The following RXRG variants were observed in gnomAD, a reference collection of about 807,000 sequenced individuals.
RXRG encodes retinoid X receptor gamma, also known as retinoic acid receptor RXR-gamma.
In RXRG, 19 loss-of-function variants were observed where a neutral mutation model predicts 49.2. That is an observed-to-expected ratio of 0.39 (90% CI 0.27 to 0.57). The LOEUF (loss-of-function observed/expected upper bound fraction) is 0.57. RXRG is among the 20% of genes least tolerant of loss of function. The pLI is 0.64. For missense variants in RXRG, 452 were observed against 592.5 expected (o/e 0.76, Z 2.46); for synonymous variants, 224 against 216.6 (o/e 1.03, Z -0.30).
At chr1:165,433,292 T>G (rs1006116584) in intron 1 of RXRG, among the ~76,000 whole-genome samples, 4 of 152,118 alleles carry the variant, frequency 2.6e-5, no homozygotes, top group African/African-American at 9.7e-5. Context: ...ATTTATAAAT[T>G]ACCTAGTCTG....
chr1:165,408,878 C>T (rs769927023), intron 7 of RXRG, among the ~76,000 whole-genome samples: 2 of 152,180 alleles, frequency 1.3e-5, no homozygotes, highest in Admixed American at 6.5e-5. Context: ...AAAGGGACAA[C>T]GGGGCCCTGG....
At chr1:165,426,890 C>G (rs1382407483) in intron 2 of RXRG, among the ~76,000 whole-genome samples, 1 of 152,104 alleles carries the variant, frequency 6.6e-6, no homozygotes, top group Admixed American at 6.5e-5. Flanking sequence ...GCTTGAGACC[C>G]AGGAAGAGCA....
intron 6 of RXRG, among the ~76,000 whole-genome samples, chr1:165,410,087 T>G (rs1248392661): frequency 2.0e-5 from 3 of 152,214 alleles, no homozygotes; most frequent in Non-Finnish European, 4.4e-5. Flanking sequence ...TTTTGTTTCT[T>G]TGGCATTGTC....
At chr1:165,412,495 T>TTC (rs1657986984) in intron 4 of RXRG, among the ~76,000 whole-genome samples, 1 of 152,218 alleles carries the variant, frequency 6.6e-6, no homozygotes. Context: ...ACTCTACCCC[T>TTC]TCCTTGCTAA....
In RXRG at chr1:165,429,040, C is replaced by T. The variant is rs1289911646; in HGVS notation, c.50-74G>A. On this transcript the variant is annotated intron_variant, in intron 1 of 9. Coordinates refer to ENST00000359842, the MANE Select transcript of RXRG (RefSeq NM_006917.5). The stretch of plus-strand genomic sequence containing the variant: ...GGGCCCTGGGGGACAGAGGCCTAGC[C>T]CCACCTTTCTTTCCTGTATCCTGCC... 4.0e-6 allele frequency: 6 copies of T among 1,501,072 alleles called. No individual in the cohort carries two copies. The South Asian group carries it at 5.1e-5, about 13-fold the overall frequency. The allele number at this position is 1,501,072 out of a possible 1,614,324, so 93.0% of individuals were successfully genotyped here. A position where few individuals can be genotyped will look rare whatever the true frequency, so the allele number is the denominator to read the frequency against.
In RXRG at chr1:165,409,654, C is replaced by A; in HGVS notation, c.950G>T (p.Arg317Leu). 6.4e-7 allele frequency: 1 copy of A among 1,556,770 alleles called. No individual in the cohort carries two copies. Among genetic ancestry groups the A allele is most frequent in the Non-Finnish European group, 8.7e-7 (1 of 1,151,646 alleles). Residue 317 changes from arginine to leucine, a missense_variant, in exon 7 of 10, where the codon CGC becomes CTC. This residue lies in a region of RXRG where 286 missense variants were observed against 440.9 expected (regional missense o/e 0.65). Transcript: ENST00000359842. ...NELLIASFSH[R>L]SVSVQDGILL... ...GATGCCATCCTGCACGGAAACTGAG[C>A]GGTGGGAGAAAGAGGCAATCAGCAA... is the stretch of plus-strand genomic sequence containing the variant.
rs1429286633 is a variant in RXRG at position 165,420,142 on chromosome 1, A to G, written c.298-128T>C. ...AAGAAACAGTTTCCAAGTACAGAGT[A>G]TTTGAAACTGCCTATCTGTGAGATG... On this transcript the variant is annotated intron_variant, in intron 2 of 9. Transcript: ENST00000359842. The G allele has an allele frequency of 2.1e-5, 14 of 663,850 alleles. No homozygotes were observed. In the South Asian group the frequency reaches 5.4e-4, roughly 25 times the overall value. The allele number at this position is 663,850 out of a possible 1,614,324, so 41.1% of individuals were successfully genotyped here. A position where few individuals can be genotyped will look rare whatever the true frequency, so the allele number is the denominator to read the frequency against.
At chr1:165,417,329 G>T in intron 3 of RXRG, 109 bp from the exon 4 acceptor site, 2 of 1,050,550 alleles carry the variant, frequency 1.9e-6, no homozygotes, top group South Asian at 3.4e-5. Context: ...TATCACTTGG[G>T]CATTGGGACA....
intron 8 of RXRG, among the ~76,000 whole-genome samples, chr1:165,407,969 G>A (rs767298289): frequency 1.6e-4 from 24 of 151,846 alleles, no homozygotes; most frequent in African/African-American, 2.4e-4. Flanking sequence ...GAATGTGATC[G>A]CTTTTTACCA....
In RXRG at chr1:165,411,022, T is replaced by C. The variant is rs752956416; in HGVS notation, c.710A>G (p.Glu237Gly). Reference sequence around the variant, plus strand: ...AGCAAGTTCAGCTTCTAGAATCCTCTCCACAGGCATGTCTTCATGACCACT... The same window carrying C: ...AGCAAGTTCAGCTTCTAGAATCCTCCCCACAGGCATGTCTTCATGACCACT... The part of the protein sequence containing the change: ...ATSGHEDMPV[E>G]RILEAELAVE... The change falls in exon 5 of 10, where the codon GAG becomes GGG. Residue 237 changes from glutamate to glycine, a missense_variant. Physicochemically the swap from Glu to Gly is moderately conservative, Grantham distance 98 (BLOSUM62 -2). This residue lies in a region of RXRG where 286 missense variants were observed against 440.9 expected (regional missense o/e 0.65). Transcript: ENST00000359842. The C allele has an allele frequency of 3.7e-6, 6 of 1,614,142 alleles. No homozygotes were observed. In the Admixed American group the frequency reaches 1.0e-4, roughly 27 times the overall value.
At chr1:165,436,846 G>T in intron 1 of RXRG, 1 of 925,580 alleles carries the variant, frequency 1.1e-6, no homozygotes, top group Non-Finnish European at 1.3e-6. Flanking sequence ...AGAAGTGGGG[G>T]ACAGCAAGAG....
Position 165,417,181 on chromosome 1 carries a change from C to T in RXRG, c.482G>A (p.Gly161Glu). 6.2e-7 allele frequency: 1 copy of T among 1,614,024 alleles called. No homozygotes were observed. The highest frequency in any genetic ancestry group is 1.1e-5 in the South Asian group (1 of 91,042). The change falls in exon 4 of 10, where the codon GGG (glycine) becomes GAG (glutamate). Residue 161 changes from glycine to glutamate, a missense_variant. Physicochemically the swap from Gly to Glu is moderately conservative, Grantham distance 98 (BLOSUM62 -2). Around this residue, in one of 2 missense-constraint regions of RXRG, gnomAD observed 286 missense variants for 440.9 expected, o/e 0.65. Coordinates refer to ENST00000359842, the MANE Select transcript of RXRG (RefSeq NM_006917.5). ...YGVYSCEGCK[G>E]FFKRTIRKDL... The stretch of plus-strand genomic sequence containing the variant: ...CTTCCTTATCGTCCTCTTGAAGAAC[C>T]CTTTGCAGCCTTCACAACTGTATAC...
chr1:165,414,166 A>G (rs157863), intron 4 of RXRG, among the ~76,000 whole-genome samples: 22,603 of 152,212 alleles, frequency 0.15, 1,741 homozygotes, highest in South Asian at 0.23. Flanking sequence ...TTGTCAGGGT[A>G]AATGGTGCCA....
chr1:165,410,866 C>T (rs192094988), intron 5 of RXRG, 35 bp from the exon 6 acceptor site: 159 of 1,613,892 alleles, frequency 9.9e-5, no homozygotes, highest in Admixed American at 7.3e-4. Context: ...AGGCACAGGT[C>T]CCAGGACTCA....
Position 165,426,122 on chromosome 1 carries a change from T to C in RXRG, c.297+2597A>G, listed in dbSNP as rs578016918. Among the ~76,000 whole-genome samples the C allele has an allele frequency of 2.1e-4, 32 of 152,290 alleles. No homozygotes were observed. In the South Asian group the frequency reaches 5.8e-3, roughly 28 times the overall value. ...TTTGGACAGAATGAGTGATCCTCAT[T>C]TGAGCAAGAGTGGGGCAGTTAGGAT... On this transcript the variant is annotated intron_variant, in intron 2 of 9. Coordinates refer to ENST00000359842, the MANE Select transcript of RXRG (RefSeq NM_006917.5).
intron 2 of RXRG, among the ~76,000 whole-genome samples, chr1:165,423,017 G>A (rs1195692812): frequency 6.6e-6 from 1 of 152,170 alleles, no homozygotes; most frequent in African/African-American, 2.4e-5. Context: ...TTGCTTTGGG[G>A]CACTTTCTCC....
At chr1:165,432,861 C>T (rs1658712308) in intron 1 of RXRG, among the ~76,000 whole-genome samples, 1 of 152,190 alleles carries the variant, frequency 6.6e-6, no homozygotes, top group African/African-American at 2.4e-5. Flanking sequence ...AATCTTAAGT[C>T]AAGGTTTTCC....
intron 2 of RXRG, among the ~76,000 whole-genome samples, chr1:165,420,335 A>G (rs575218421): frequency 9.2e-5 from 14 of 152,348 alleles, no homozygotes; most frequent in African/African-American, 2.9e-4. Context: ...CACACCCAGG[A>G]CAATGTCAAC....
chr1:165,420,441 G>A (rs890765055), intron 2 of RXRG, among the ~76,000 whole-genome samples: 1 of 152,116 alleles, frequency 6.6e-6, no homozygotes, highest in Non-Finnish European at 1.5e-5. Flanking sequence ...CACTCTAAGA[G>A]AGCCAAGCAA....
Sources: allele counts gnomAD v4.1 joint callset (sites outside exome capture counted in the v4.1 genomes callset), GRCh38; gene constraint gnomAD v4.1.1; regional missense constraint gnomAD v4.1.1; transcripts MANE v1.5; gene names NCBI Gene and HGNC (gene_info 2026-07-23, HGNC 2026-07-21).